The following CASK variants were observed in gnomAD, a reference collection of about 807,000 sequenced individuals.
CASK encodes peripheral plasma membrane protein CASK.
Under a neutral mutation model 82.9 loss-of-function variants are expected in CASK, and 4 were observed. The ratio of observed to expected loss-of-function variants is 0.05; its 90% CI spans 0.02 to 0.11. CASK has a LOEUF of 0.11. CASK is among the 10% of genes least tolerant of loss of function. CASK has a pLI of 1.00. For missense variants in CASK, 358 were observed against 720.9 expected (o/e 0.50, Z 5.76); for synonymous variants, 259 against 253.5 (o/e 1.02, Z -0.20).
chrX:41,877,163 T>C (rs1042228066), intron 1 of CASK, among the ~76,000 whole-genome samples: 3 of 111,853 alleles, frequency 2.7e-5, no homozygotes, highest in Middle Eastern at 4.6e-3. Flanking sequence ...GTTTTTCTGC[T>C]GACCCCGTCC....
At chrX:41,607,678 C>A (rs749795923) in intron 12 of CASK, among the ~76,000 whole-genome samples, 2 of 112,183 alleles carry the variant, frequency 1.8e-5, no homozygotes, top group East Asian at 2.8e-4. Flanking sequence ...CAGGTGAGCA[C>A]GTGACTAGCA....
rs1255202506 is a variant in CASK, at chrX:41,519,281, G to A, written c.*1139C>T. The stretch of plus-strand genomic sequence containing the variant: ...TGTCCTGTTAGTTATCATTTTAAAG[G>A]AATTTACAGGGCTGTTATAGATGAT... On this transcript the variant is annotated 3_prime_UTR_variant, in exon 27 of 27. Coordinates refer to ENST00000378163, the MANE Select transcript of CASK (RefSeq NM_001367721.1). 1 of 112,022 alleles carries A rather than the reference G, an allele frequency of 8.9e-6. No homozygotes were observed. The highest frequency in any genetic ancestry group is 1.9e-5 in the Non-Finnish European group (1 of 53,187). The allele number at this position is 112,022 out of a possible 1,213,427, so 9.2% of individuals were successfully genotyped here.
At chrX:41,668,900 G>A (rs2067155855) in intron 6 of CASK, among the ~76,000 whole-genome samples, 2 of 109,846 alleles carry the variant, frequency 1.8e-5, no homozygotes, top group Admixed American at 1.9e-4. Flanking sequence ...GCTAATTTTT[G>A]CATCTTTTTG....
intron 1 of CASK, among the ~76,000 whole-genome samples, chrX:41,891,129 A>T (rs1402884312): frequency 4.6e-5 from 5 of 109,815 alleles, no homozygotes; most frequent in Non-Finnish European, 9.5e-5. Context: ...ACCTCAAGCG[A>T]TCTGCCCACC....
chrX:41,582,682 C>T (rs944232452), intron 14 of CASK, among the ~76,000 whole-genome samples: 1 of 111,282 alleles, frequency 9.0e-6, no homozygotes. Flanking sequence ...ACAGGAAGTA[C>T]CACTCTCTCC....
intron 22 of CASK, among the ~76,000 whole-genome samples, chrX:41,538,356 TC>T (rs2064904446): frequency 8.9e-6 from 1 of 111,812 alleles, no homozygotes; most frequent in Non-Finnish European, 1.9e-5. Flanking sequence ...ATTTCGGGGC[TC>T]TAACATTTAA....
At chrX:41,819,214 A>T (rs2070479701) in intron 2 of CASK, among the ~76,000 whole-genome samples, 1 of 111,678 alleles carries the variant, frequency 9.0e-6, no homozygotes, top group African/African-American at 3.2e-5. Context: ...TCCATTGGAA[A>T]GATTTTAATG....
chrX:41,579,857 C>T (rs888469336), intron 14 of CASK, among the ~76,000 whole-genome samples: 4 of 111,153 alleles, frequency 3.6e-5, no homozygotes, highest in African/African-American at 1.3e-4. Context: ...CTGGTAAAAT[C>T]ATAAAGAAGA....
intron 9 of CASK, among the ~76,000 whole-genome samples, chrX:41,627,229 G>A (rs1408134031): frequency 1.8e-5 from 2 of 110,345 alleles, no homozygotes; most frequent in Non-Finnish European, 3.8e-5. Context: ...TCTTACTTTT[G>A]TATAGTAATT....
chrX:41,921,019 T>C (rs943416714), intron 1 of CASK, among the ~76,000 whole-genome samples: 1 of 112,060 alleles, frequency 8.9e-6, no homozygotes, highest in East Asian at 2.8e-4. Context: ...AAGGAGATTT[T>C]TGATGCATTT....
intron 11 of CASK, 34 bp downstream of exon 11, chrX:41,622,583 G>C (rs1209141250): frequency 8.6e-7 from 1 of 1,168,334 alleles, no homozygotes. Context: ...TTGCATAAAA[G>C]ATACACCTTA....
Position 41,561,587 on chromosome X carries a change from T to C in CASK, c.1640A>G (p.Gln547Arg). The part of the protein sequence containing the change: ...REINGISVAN[Q>R]TVEQLQKMLR... ...CATTTTTTGCAGTTGTTCCACTGTT[T>C]GGTTAGCCACACTGATGCCATTGAT... is the stretch of plus-strand genomic sequence containing the variant. The change falls in exon 17 of 27, where the codon CAA (glutamine) becomes CGA (arginine). Residue 547 changes from glutamine to arginine, a missense_variant. Gln to Arg is a conservative substitution (Grantham distance 43, BLOSUM62 1). This residue lies in a region of CASK where 110 missense variants were observed against 218.8 expected (regional missense o/e 0.50). Transcript: ENST00000378163. 1 of 1,206,495 alleles carries C rather than the reference T, an allele frequency of 8.3e-7. No individual in the cohort carries two copies. The highest frequency in any genetic ancestry group is 1.1e-6 in the Non-Finnish European group (1 of 890,684).
At chrX:41,890,885 A>T (rs2072154185) in intron 1 of CASK, among the ~76,000 whole-genome samples, 1 of 102,419 alleles carries the variant, frequency 9.8e-6, no homozygotes, top group Non-Finnish European at 2.0e-5. Context: ...AGGTGTTACT[A>T]TAATTTCTTT....
intron 18 of CASK, among the ~76,000 whole-genome samples, chrX:41,557,463 T>C (rs778068811): frequency 9.0e-6 from 1 of 111,705 alleles, no homozygotes; most frequent in East Asian, 2.8e-4. Flanking sequence ...AACTGCCTAA[T>C]TTTTATTAAA....
chrX:41,618,866 G>T (rs1173482931), intron 11 of CASK, among the ~76,000 whole-genome samples: 2 of 94,524 alleles, frequency 2.1e-5, no homozygotes, highest in African/African-American at 8.1e-5. Context: ...TCACTCTGTC[G>T]CCCAGGCTGG....
intron 8 of CASK, among the ~76,000 whole-genome samples, chrX:41,646,772 A>C (rs755191472): frequency 2.7e-5 from 3 of 111,257 alleles, no homozygotes; most frequent in Non-Finnish European, 5.7e-5. Flanking sequence ...TAGACGAATA[A>C]TCAAACCGTC....
chrX:41,542,583 G>A, intron 22 of CASK, 108 bp downstream of exon 22: 1 of 522,338 alleles, frequency 1.9e-6, no homozygotes, highest in Non-Finnish European at 3.4e-6. Context: ...ATCTCATATG[G>A]TAGAATTTTT....
chrX:41,577,823 T>A (rs746824415), intron 15 of CASK, among the ~76,000 whole-genome samples: 41 of 111,877 alleles, frequency 3.7e-4, no homozygotes, highest in African/African-American at 1.2e-3. Context: ...AAGCACTGAG[T>A]AAATTGATTC....
chrX:41,833,100 T>A (rs1297317852), intron 2 of CASK, among the ~76,000 whole-genome samples: 2 of 112,251 alleles, frequency 1.8e-5, no homozygotes, highest in Admixed American at 1.9e-4. Context: ...TTTGCACCTG[T>A]CTGTGCGTGA....
Sources: allele counts gnomAD v4.1 joint callset (sites outside exome capture counted in the v4.1 genomes callset), GRCh38; gene constraint gnomAD v4.1.1; regional missense constraint gnomAD v4.1.1; transcripts MANE v1.5; gene names NCBI Gene and HGNC (gene_info 2026-07-23, HGNC 2026-07-21).